HRH2: variants seen among roughly 807,000 people sequenced by gnomAD.
HRH2 encodes histamine H2 receptor.
A neutral mutation model predicts 20.1 loss-of-function variants in HRH2; 4 were observed. The ratio of observed to expected loss-of-function variants is 0.20; its 90% confidence interval spans 0.10 to 0.45. HRH2 has a LOEUF of 0.45. Ranked by LOEUF, HRH2 falls within the 20% of genes least tolerant of loss-of-function variation. HRH2 has a pLI of 0.99. For missense variants in HRH2, 250 were observed against 461.6 expected (o/e 0.54, Z 4.20); for synonymous variants, 197 against 200.7 (o/e 0.98, Z 0.16).
intron 1 of HRH2, among the ~76,000 whole-genome samples, chr5:175,665,239 C>T (rs1209784607): frequency 1.3e-5 from 2 of 152,138 alleles, no homozygotes; most frequent in Non-Finnish European, 2.9e-5. Context: ...GCCAGCCTCC[C>T]GGGGTTCCTG....
At chr5:175,691,353 T>C (rs1448449757) in intron 2 of HRH2, 1 of 152,312 alleles carries the variant, frequency 6.6e-6, no homozygotes, top group Admixed American at 6.5e-5. Flanking sequence ...CCAGGAGTCA[T>C]TGAAAGGTAG....
chr5:175,697,469 A>G lies in HRH2; in HGVS notation c.1077-10310A>G, dbSNP rs535108076. 1.8e-3 allele frequency among the ~76,000 whole-genome samples: 274 copies of G among 151,692 alleles called. 2 individuals carry two copies. The highest frequency in any genetic ancestry group is 6.0e-3 in the African/African-American group (250 of 41,328). ...AAGAGTGAGACTCCGTCTCAAAAAA[A>G]AAAAAAAAAAAGAGGATGCCCATGA... is the stretch of plus-strand genomic sequence containing the variant. On this transcript the variant is annotated intron_variant, in intron 2 of 2. Coordinates refer to ENST00000636584, the MANE Select transcript of HRH2 (RefSeq NM_001367711.1).
intron 1 of HRH2, among the ~76,000 whole-genome samples, chr5:175,674,366 T>C (rs1755683152): frequency 1.3e-5 from 2 of 152,164 alleles, no homozygotes; most frequent in Non-Finnish European, 1.5e-5. Context: ...ACTATTATTA[T>C]CATCTGTCAG....
rs1419885768 is a variant in HRH2 at position 175,684,268 on chromosome 5, G to C, written c.1035G>C (p.Trp345Cys). ...QEEKPLKLQV[W>C]SGTEVTAPQG... ...AGAAACCCCTGAAGCTCCAGGTGTG[G>C]AGTGGGACAGAAGTCACGGCCCCCC... Residue 345 changes from tryptophan (W) to cysteine (C), a missense_variant, in exon 2 of 3, where the codon TGG (tryptophan) becomes TGC (cysteine). Physicochemically the swap from Trp to Cys is radical, Grantham distance 215 (BLOSUM62 -2). Around this residue, in one of 5 missense-constraint regions of HRH2, gnomAD observed 55 missense variants for 66.9 expected, o/e 0.82. Transcript: ENST00000636584. The C allele has an allele frequency of 1.2e-6, 2 of 1,614,056 alleles. No individual in the cohort carries two copies. The highest frequency in any genetic ancestry group is 1.7e-6 in the Non-Finnish European group (2 of 1,180,016).
At chr5:175,662,369 T>C (rs763367524) in intron 1 of HRH2, among the ~76,000 whole-genome samples, 7 of 152,086 alleles carry the variant, frequency 4.6e-5, no homozygotes, top group Non-Finnish European at 1.0e-4. Flanking sequence ...TGGGTAGACG[T>C]CAGAGATGCT....
intron 2 of HRH2, among the ~76,000 whole-genome samples, chr5:175,699,642 C>T (rs1340983027): frequency 1.3e-5 from 2 of 152,174 alleles, no homozygotes; most frequent in South Asian, 2.1e-4. Flanking sequence ...GGCGTGACCT[C>T]GGCTCACTGC....
At position 175,687,769 on chromosome 5, in the gene HRH2, C is replaced by T. The variant is rs1233482816; in HGVS notation, c.1076+3460C>T. 2.6e-5 allele frequency among the ~76,000 whole-genome samples: 4 copies of T among 152,150 alleles called. No homozygotes were observed. The highest frequency in any genetic ancestry group is 2.9e-5 in the Non-Finnish European group (2 of 68,032). On this transcript the variant is annotated intron_variant, in intron 2 of 2. Coordinates refer to ENST00000636584, the MANE Select transcript of HRH2 (RefSeq NM_001367711.1). This position sits in a 1 kb window ranked among gnomAD's most constrained non-coding sequence, Gnocchi z 5.2. The stretch of plus-strand genomic sequence containing the variant: ...CTGCTCCATCACTCACAGTGAGCTC[C>T]CTAAATTATGAATCTCAGTGTAGTG...
At chr5:175,659,444 G>A (rs1340684541) in intron 1 of HRH2, among the ~76,000 whole-genome samples, 2 of 152,132 alleles carry the variant, frequency 1.3e-5, no homozygotes, top group African/African-American at 4.8e-5. Flanking sequence ...AATATCATGA[G>A]AAAATAACTT....
Position 175,684,276 on chromosome 5 carries a change from CA to C in HRH2, c.1044del (p.Glu349LysfsTer25). On this transcript the variant is annotated frameshift_variant, in exon 2 of 3. Coordinates refer to ENST00000636584, the MANE Select transcript of HRH2 (RefSeq NM_001367711.1). LOFTEE classifies it low-confidence loss of function (END_TRUNC). ...CTGAAGCTCCAGGTGTGGAGTGGGA[CA>C]GAAGTCACGGCCCCCCAGGGAGCCA... Reference protein sequence around the residue: ...KPLKLQVWSGTEVTAPQGATD... With the variant: ...KPLKLQVWSGXEVTAPQGATD... 1 of 1,613,972 alleles carries C rather than the reference CA, an allele frequency of 6.2e-7. No individual in the cohort carries two copies. Among genetic ancestry groups the C allele is most frequent in the East Asian group, 2.2e-5 (1 of 44,894 alleles).
intron 2 of HRH2, among the ~76,000 whole-genome samples, chr5:175,700,276 C>T (rs1201678174): frequency 1.3e-5 from 2 of 152,222 alleles, no homozygotes; most frequent in East Asian, 1.9e-4. Context: ...AAGTGGGTAC[C>T]GGCTACCGGA....
intron 1 of HRH2, among the ~76,000 whole-genome samples, chr5:175,680,391 G>C (rs1419535403): frequency 6.6e-6 from 1 of 152,228 alleles, no homozygotes; most frequent in African/African-American, 2.4e-5. Context: ...GAGAAACCCA[G>C]GAGGCCCCCA....
intron 1 of HRH2, among the ~76,000 whole-genome samples, chr5:175,673,713 T>G (rs1279944503): frequency 1.3e-5 from 2 of 151,300 alleles, no homozygotes; most frequent in Admixed American, 6.6e-5. Context: ...TTTTTTGTTT[T>G]TTTTTTTTTT....
At chr5:175,685,592 G>A in intron 2 of HRH2, 1 of 910,732 alleles carries the variant, frequency 1.1e-6, no homozygotes, top group South Asian at 1.5e-5. Context: ...GAAAATCAAT[G>A]GCACAGCCCT....
At position 175,699,562 on chromosome 5, in the gene HRH2, G is replaced by GTTGTTTTTGTTT. The variant is rs1554112738; in HGVS notation, c.1077-8215_1077-8204dup. 3.0e-3 allele frequency among the ~76,000 whole-genome samples: 457 copies of GTTGTTTTTGTTT among 152,020 alleles called. 2 individuals are homozygous for GTTGTTTTTGTTT. The highest frequency in any genetic ancestry group is 0.01 in the African/African-American group (432 of 41,380). Reference sequence around the variant, plus strand: ...TCAGCACCCAGTCCCTCTGCTGTCGGTTGTTTTTGTTTTGTTTGTTTGTTT... The same window carrying GTTGTTTTTGTTT: ...TCAGCACCCAGTCCCTCTGCTGTCGGTTGTTTTTGTTTTTGTTTTTGTTTTGTTTGTTTGTTT... On this transcript the variant is annotated intron_variant, in intron 2 of 2. Transcript: ENST00000636584.
Position 175,683,047 on chromosome 5 carries a change from A to G in HRH2, c.-187A>G. On this transcript the variant is annotated 5_prime_UTR_variant, in exon 2 of 3. Coordinates refer to ENST00000636584, the MANE Select transcript of HRH2 (RefSeq NM_001367711.1). Reference sequence around the variant, plus strand: ...GGTGTTGCTTAATTTATTTCTAGAAAAGCAGCCCAGAGTCAGTCATTGAAG... The same window carrying G: ...GGTGTTGCTTAATTTATTTCTAGAAGAGCAGCCCAGAGTCAGTCATTGAAG... 1 of 671,712 alleles carries G rather than the reference A, an allele frequency of 1.5e-6. No homozygotes were observed. The highest frequency in any genetic ancestry group is 2.5e-6 in the Non-Finnish European group (1 of 394,378). 41.6% of individuals were successfully genotyped at this position (671,712 alleles called of 1,614,324 possible).
Position 175,677,859 on chromosome 5 carries a change from T to A in HRH2, c.-525-4850T>A, listed in dbSNP as rs781309119. ...GGGACCCTGCGCCACTTTTCCCGCC[T>A]TCCAATCACATCACCCTCTGCTCGA... On this transcript the variant is annotated intron_variant, in intron 1 of 2. Transcript: ENST00000636584. This position sits in a 1 kb window ranked among gnomAD's most constrained non-coding sequence, Gnocchi z 4.2. Among the ~76,000 whole-genome samples, 1 of 152,172 alleles carries A rather than the reference T, an allele frequency of 6.6e-6. No homozygotes were observed. The highest frequency in any genetic ancestry group is 1.5e-5 in the Non-Finnish European group (1 of 68,022).
chr5:175,675,065 C>T (rs1403139221), intron 1 of HRH2, among the ~76,000 whole-genome samples: 1 of 152,236 alleles, frequency 6.6e-6, no homozygotes, highest in African/African-American at 2.4e-5. Context: ...CAAATCCTGA[C>T]TTTGCCACTT....
chr5:175,676,651 T>A (rs915303068), intron 1 of HRH2, among the ~76,000 whole-genome samples: 1 of 152,216 alleles, frequency 6.6e-6, no homozygotes, highest in African/African-American at 2.4e-5. Context: ...GTACATAGAT[T>A]GCATAGTGGT....
chr5:175,667,372 A>G (rs943818872), intron 1 of HRH2, among the ~76,000 whole-genome samples: 1 of 152,040 alleles, frequency 6.6e-6, no homozygotes, highest in African/African-American at 2.4e-5. Flanking sequence ...TGAACCTGGG[A>G]GGTGAAGGTT....
Sources: gnomAD v4.1 joint callset for allele counts (sites outside exome capture counted in the v4.1 genomes callset) on GRCh38, gnomAD v4.1.1 for gene constraint, gnomAD v4.1.1 regional missense constraint, Gnocchi (gnomAD v3.1) non-coding constraint, MANE v1.5 for transcripts, NCBI Gene and HGNC (gene_info 2026-07-23, HGNC 2026-07-21) for gene names.